Variants in GRHL2 observed in about 807,000 individuals in gnomAD.
GRHL2 encodes the protein grainyhead-like protein 2 homolog.
GRHL2 carries 21 observed loss-of-function variants against 83.8 expected under a neutral mutation model. The ratio of observed to expected loss-of-function variants is 0.25; its 90% confidence interval spans 0.18 to 0.36. GRHL2 has a LOEUF of 0.36. Among genes scored for constraint, GRHL2 ranks in the 10% least tolerant of loss-of-function variants. The pLI is 1.00. For missense variants in GRHL2, 623 were observed against 781.8 expected (o/e 0.80, Z 2.42); for synonymous variants, 280 against 278.9 (o/e 1.00, Z -0.04).
At chr8:101,540,300 C>T (rs1811125778) in intron 1 of GRHL2, among the ~76,000 whole-genome samples, 1 of 152,146 alleles carries the variant, frequency 6.6e-6, no homozygotes, top group Non-Finnish European at 1.5e-5. Context: ...TTAGACATTA[C>T]CCAGCTTCTC....
chr8:101,529,763 A>G (rs553119564), intron 1 of GRHL2, among the ~76,000 whole-genome samples: 1 of 152,300 alleles, frequency 6.6e-6, no homozygotes, highest in Non-Finnish European at 1.5e-5. Context: ...AAAAGTGAAG[A>G]GTTAGACTGA....
chr8:101,492,907 TTTTC>T, intron 1 of GRHL2, 118 bp downstream of exon 1: 1 of 992,370 alleles, frequency 1.0e-6, no homozygotes, highest in South Asian at 1.3e-5. Context: ...TCTTTTTTCT[TTTTC>T]TTTTTGGTGG....
intron 2 of GRHL2, among the ~76,000 whole-genome samples, chr8:101,549,069 T>C (rs1456431604): frequency 1.3e-5 from 2 of 148,822 alleles, no homozygotes; most frequent in East Asian, 4.0e-4. Context: ...TGCCATATCA[T>C]GGACACAGAA....
rs1813647084 is a variant in GRHL2 at position 101,652,340 on chromosome 8, T to TGTGTGTGTGGTGTGTGTG, written c.1698+2841_1698+2842insGTGTGTGTGGTGTGTGTG. 5.2e-5 allele frequency among the ~76,000 whole-genome samples: 4 copies of TGTGTGTGTGGTGTGTGTG among 77,464 alleles called. 2 individuals are homozygous for TGTGTGTGTGGTGTGTGTG. The highest frequency in any genetic ancestry group is 2.7e-4 in the Admixed American group (2 of 7,354). 50.8% of individuals were successfully genotyped at this position (77,464 alleles called of 152,430 possible). A position where few individuals can be genotyped will look rare whatever the true frequency, so the allele number is the denominator to read the frequency against. The stretch of plus-strand genomic sequence containing the variant: ...TGTGCGTGTGTGTGTGGTGTGTGTG[T>TGTGTGTGTGGTGTGTGTG]ATGTGTGTGGTGTGTGTGGTGTGTG... On this transcript the variant is annotated intron_variant, in intron 14 of 15. Transcript: ENST00000646743.
chr8:101,611,656 C>T lies in GRHL2; in HGVS notation c.1099-7883C>T, dbSNP rs1048187413. Among the ~76,000 whole-genome samples, 14 of 150,880 alleles carry T rather than the reference C, an allele frequency of 9.3e-5. 1 individual carries two copies. The highest frequency in any genetic ancestry group is 2.0e-4 in the Admixed American group (3 of 15,222). Reference sequence around the variant, plus strand: ...AACACAATGGCCTTTTCTCAGTCCTCATGCCCCTGTCCTCTCTATAGCTTG... The same window carrying T: ...AACACAATGGCCTTTTCTCAGTCCTTATGCCCCTGTCCTCTCTATAGCTTG... On this transcript the variant is annotated intron_variant, in intron 8 of 15. Transcript: ENST00000646743.
rs184826421 is a variant in GRHL2 at position 101,523,716 on chromosome 8, C to T, written c.21-19525C>T. On this transcript the variant is annotated intron_variant, in intron 1 of 15. Coordinates refer to ENST00000646743, the MANE Select transcript of GRHL2 (RefSeq NM_024915.4). Reference sequence around the variant, plus strand: ...TTGGTCTTGAATTCCTGGGCTCAAACGATCCTCCCACCTCAGCCTCTCAAA... The same window carrying T: ...TTGGTCTTGAATTCCTGGGCTCAAATGATCCTCCCACCTCAGCCTCTCAAA... Among the ~76,000 whole-genome samples, 46 of 151,972 alleles carry T rather than the reference C, an allele frequency of 3.0e-4. 1 individual carries two copies. The highest frequency in any genetic ancestry group is 1.9e-3 in the South Asian group (9 of 4,796).
intron 11 of GRHL2, among the ~76,000 whole-genome samples, chr8:101,633,061 T>C (rs905760322): frequency 4.6e-5 from 7 of 152,118 alleles, no homozygotes; most frequent in African/African-American, 1.7e-4. Flanking sequence ...TGGAAAAAAA[T>C]GTAGAATAGT....
intron 1 of GRHL2, among the ~76,000 whole-genome samples, chr8:101,516,872 T>TTG (rs1810584303): frequency 6.6e-6 from 1 of 152,238 alleles, no homozygotes; most frequent in Non-Finnish European, 1.5e-5. Context: ...TGCCACCATC[T>TTG]GAAACCTGCT....
chr8:101,635,848 G>A (rs921362380), intron 11 of GRHL2, among the ~76,000 whole-genome samples: 1 of 152,172 alleles, frequency 6.6e-6, no homozygotes, highest in Non-Finnish European at 1.5e-5. Context: ...GAGAGTTCCA[G>A]GTAACCAGTC....
At chr8:101,495,591 T>A (rs752137842) in intron 1 of GRHL2, among the ~76,000 whole-genome samples, 4 of 152,192 alleles carry the variant, frequency 2.6e-5, no homozygotes, top group African/African-American at 4.8e-5. Context: ...CCAAAATGTA[T>A]AAAATATATT....
intron 1 of GRHL2, among the ~76,000 whole-genome samples, chr8:101,507,213 C>A (rs1215489871): frequency 1.3e-5 from 2 of 149,882 alleles, no homozygotes; most frequent in African/African-American, 2.5e-5. Flanking sequence ...TCCTGGCTAT[C>A]ATTTCAACTT....
intron 9 of GRHL2, among the ~76,000 whole-genome samples, chr8:101,623,828 G>GACAGACAGTACACAGTAGGACAGTTT (rs1813014537): frequency 8.1e-6 from 1 of 124,174 alleles, no homozygotes; most frequent in Non-Finnish European, 1.9e-5. Flanking sequence ...TACACAGTAG[G>GACAGACAGTACACAGTAGGACAGTTT]ACAGTACACA....
At chr8:101,613,694 A>G (rs917598502) in intron 8 of GRHL2, among the ~76,000 whole-genome samples, 5 of 151,042 alleles carry the variant, frequency 3.3e-5, no homozygotes, top group Admixed American at 2.0e-4. Flanking sequence ...TAAAACCGAG[A>G]AAGGAACAGA....
intron 1 of GRHL2, among the ~76,000 whole-genome samples, chr8:101,542,296 C>T (rs1170209001): frequency 6.6e-6 from 1 of 152,214 alleles, no homozygotes; most frequent in South Asian, 2.1e-4. Flanking sequence ...AATAATTAGG[C>T]CAGGCGTGGT....
At chr8:101,515,378 G>C (rs1431709689) in intron 1 of GRHL2, among the ~76,000 whole-genome samples, 3 of 152,056 alleles carry the variant, frequency 2.0e-5, no homozygotes, top group South Asian at 4.1e-4. Flanking sequence ...TCTCATTGTT[G>C]ACAAGTTCAG....
intron 14 of GRHL2, among the ~76,000 whole-genome samples, chr8:101,662,257 C>T (rs563864277): frequency 6.6e-6 from 1 of 152,114 alleles, no homozygotes; most frequent in African/African-American, 2.4e-5. Flanking sequence ...ATCCTTGGCT[C>T]GTTTGGCTCA....
chr8:101,533,753 G>T (rs1810986258), intron 1 of GRHL2, among the ~76,000 whole-genome samples: 1 of 152,182 alleles, frequency 6.6e-6, no homozygotes, highest in African/African-American at 2.4e-5. Flanking sequence ...AAGCTTAAAG[G>T]AGATGAGAGA....
intron 1 of GRHL2, among the ~76,000 whole-genome samples, chr8:101,513,520 G>T (rs1810507432): frequency 3.8e-4 from 1 of 2,622 alleles, no homozygotes; most frequent in Admixed American, 2.7e-3. Flanking sequence ...TGGAGATGGA[G>T]TTTTGCTCTT....
At chr8:101,672,361 G>C (rs1814224571), downstream of GRHL2, among the ~76,000 whole-genome samples, 1 of 151,666 alleles carries the variant, frequency 6.6e-6, no homozygotes, top group South Asian at 2.1e-4. Context: ...GTCCTTAAAG[G>C]AGCTGATGGA....
Sources: allele counts gnomAD v4.1 joint callset (sites outside exome capture counted in the v4.1 genomes callset), GRCh38; gene constraint gnomAD v4.1.1; transcripts MANE v1.5; gene names NCBI Gene and HGNC (gene_info 2026-07-23, HGNC 2026-07-21).